The following KDM5B variants were observed in gnomAD, a reference collection of about 807,000 sequenced individuals.
The protein encoded by KDM5B is lysine demethylase 5B, also known as lysine-specific demethylase 5B.
Under a neutral mutation model 193.4 loss-of-function variants are expected in KDM5B, and 144 were observed. That is an observed-to-expected ratio of 0.74 (90% CI 0.65 to 0.86). The LOEUF (loss-of-function observed/expected upper bound fraction) is 0.86, where lower values mean the gene tolerates loss of function less well. Among genes scored for constraint, KDM5B ranks in the 40% least tolerant of loss-of-function variants. The pLI is 0.00. For missense variants in KDM5B, 1,833 were observed against 1,886.9 expected (o/e 0.97, Z 0.53); for synonymous variants, 668 against 682.6 (o/e 0.98, Z 0.33).
Position 202,741,599 on chromosome 1 carries a change from G to C in KDM5B, c.2713C>G (p.Pro905Ala). Residue 905 changes from proline to alanine, a missense_variant, in exon 19 of 27, where the codon CCA becomes GCA. By Grantham distance (27) the Pro-to-Ala change is conservative. This residue lies in a region of KDM5B where 1,379 missense variants were observed against 1,349.6 expected (regional missense o/e 1.02). Coordinates refer to ENST00000367265, the MANE Select transcript of KDM5B (RefSeq NM_006618.5). The stretch of plus-strand genomic sequence containing the variant: ...CGGATACGCATCTCAGCAAGCTGTG[G>C]AAGTTCAACATCAAATTCAAAGCTG... ...DVSFEFDVEL[P>A]QLAEMRIRLE... 1 of 1,614,232 alleles carries C rather than the reference G, an allele frequency of 6.2e-7. No homozygotes were observed. The highest frequency in any genetic ancestry group is 2.2e-5 in the East Asian group (1 of 44,890).
Position 202,756,345 on chromosome 1 carries a change from C to CTA in KDM5B, c.1356+12_1356+13insTA. Reference sequence around the variant, plus strand: ...AATAAATACCTCAATTTCCAAGCCACTTATATGCCTACCTCTTCCTCAGGT... The same window carrying CTA: ...AATAAATACCTCAATTTCCAAGCCACTATTATATGCCTACCTCTTCCTCAGGT... On this transcript the variant is annotated intron_variant, in intron 10 of 26. Coordinates refer to ENST00000367265, the MANE Select transcript of KDM5B (RefSeq NM_006618.5). 1.3e-6 allele frequency: 2 copies of CTA among 1,594,250 alleles called. No homozygotes were observed. Among genetic ancestry groups the CTA allele is most frequent in the South Asian group, 2.3e-5 (2 of 87,658 alleles).
At chr1:202,730,300 A>T (rs2102208802) in intron 25 of KDM5B, among the ~76,000 whole-genome samples, 1 of 152,316 alleles carries the variant, frequency 6.6e-6, no homozygotes, top group Non-Finnish European at 1.5e-5. Context: ...TTAACCAACC[A>T]ATACCAGAAG....
rs78905389 is a variant in KDM5B, at chr1:202,767,104, T to C, written c.577-44A>G. On this transcript the variant is annotated intron_variant, in intron 4 of 26. Transcript: ENST00000367265. The stretch of plus-strand genomic sequence containing the variant: ...CTGATAAATTCCCTCCTTTTTTTTT[T>C]CACATCATAAGTTTATTGACAAACA... 33 of 1,600,982 alleles carry C rather than the reference T, an allele frequency of 2.1e-5. 2 individuals carry two copies. The African/African-American group carries it at 3.8e-4, about 18-fold the overall frequency.
chr1:202,757,159 A>G (rs1337070352), intron 9 of KDM5B, among the ~76,000 whole-genome samples: 1 of 152,154 alleles, frequency 6.6e-6, no homozygotes, highest in East Asian at 1.9e-4. Context: ...GGCAGTTCAC[A>G]ATAGGGTTTG....
chr1:202,745,646 T>A (rs905538854), intron 16 of KDM5B, among the ~76,000 whole-genome samples: 2 of 152,244 alleles, frequency 1.3e-5, no homozygotes, highest in Non-Finnish European at 2.9e-5. Context: ...ACAACTCATA[T>A]AACAAAATTT....
chr1:202,779,824 T>TAAATAAATAAAC (rs1657122926), intron 1 of KDM5B, among the ~76,000 whole-genome samples: 1 of 146,754 alleles, frequency 6.8e-6, no homozygotes, highest in African/African-American at 2.5e-5. Context: ...AATAAATAAA[T>TAAATAAATAAAC]AAATAAATAA....
intron 9 of KDM5B, among the ~76,000 whole-genome samples, chr1:202,757,930 G>A (rs1035749784): frequency 6.6e-6 from 1 of 152,170 alleles, no homozygotes; most frequent in South Asian, 2.1e-4. Context: ...AATGCTGAAT[G>A]GAAAATGCTT....
At chr1:202,756,013 T>C (rs906442703) in intron 10 of KDM5B, among the ~76,000 whole-genome samples, 6 of 149,432 alleles carry the variant, frequency 4.0e-5, no homozygotes, top group African/African-American at 1.5e-4. Flanking sequence ...CCTACCAAGA[T>C]AGAAACAGAA....
In KDM5B at chr1:202,725,276, T is replaced by C. The variant is rs959677293; in HGVS notation, c.*3760A>G. The C allele has an allele frequency of 6.6e-6, 1 of 152,232 alleles. No individual in the cohort carries two copies. Among genetic ancestry groups the C allele is most frequent in the Non-Finnish European group, 1.5e-5 (1 of 68,042 alleles). The allele number at this position is 152,232 out of a possible 1,614,324, so 9.4% of individuals were successfully genotyped here. On this transcript the variant is annotated 3_prime_UTR_variant, in exon 27 of 27. Coordinates refer to ENST00000367265, the MANE Select transcript of KDM5B (RefSeq NM_006618.5). ...ACATGAAAAACTTGTTCACATAAAT[T>C]TGAAGGGAGAAGTGAAAATATACAC...
intron 14 of KDM5B, chr1:202,746,711 T>C (rs1362349631): frequency 1.9e-5 from 3 of 158,044 alleles, no homozygotes; most frequent in Non-Finnish European, 4.2e-5. Context: ...TGAGGAAATA[T>C]GGAGAATCTA....
At position 202,741,542 on chromosome 1, in the gene KDM5B, G is replaced by C; in HGVS notation, c.2770C>G (p.Gln924Glu). 2 of 1,614,216 alleles carry C rather than the reference G, an allele frequency of 1.2e-6. No individual in the cohort carries two copies. The highest frequency in any genetic ancestry group is 1.3e-5 in the African/African-American group (1 of 75,050). The change falls in exon 19 of 27, where the codon CAG (glutamine) becomes GAG (glutamate). Residue 924 changes from glutamine (Q) to glutamate (E), a missense_variant. Gln to Glu is a conservative substitution (Grantham distance 29). Transcript: ENST00000367265. ...GAGCTGGGGTCTAGGCAAGCTTGCT[G>C]CACCTCTTCTAGCCAACGGGCTTGT... ...LEQARWLEEV[Q>E]QACLDPSSLT... is the part of the protein sequence containing the mutation.
chr1:202,750,381 T>TGATTCTC (rs1655740873), intron 13 of KDM5B, among the ~76,000 whole-genome samples: 1 of 152,064 alleles, frequency 6.6e-6, no homozygotes, highest in Non-Finnish European at 1.5e-5. Flanking sequence ...TGGGTTCAAG[T>TGATTCTC]GATTCTCCTG....
intron 20 of KDM5B, among the ~76,000 whole-genome samples, chr1:202,739,924 T>G (rs1175772495): frequency 6.6e-6 from 1 of 152,196 alleles, no homozygotes; most frequent in Non-Finnish European, 1.5e-5. Context: ...TTTCCCCACC[T>G]TTCCCCCCTT....
intron 9 of KDM5B, among the ~76,000 whole-genome samples, chr1:202,758,136 T>C (rs1656093113): frequency 6.6e-6 from 1 of 152,226 alleles, no homozygotes; most frequent in Admixed American, 6.5e-5. Context: ...ATGATTTTCT[T>C]TATTAGTGTT....
intron 1 of KDM5B, among the ~76,000 whole-genome samples, chr1:202,781,058 A>G (rs1003453211): frequency 3.9e-5 from 6 of 152,182 alleles, no homozygotes; most frequent in African/African-American, 1.4e-4. Flanking sequence ...GCTCATGCCT[A>G]TAATCTCAGC....
Position 202,742,500 on chromosome 1 carries a change from C to G in KDM5B, c.2480G>C (p.Arg827Pro), listed in dbSNP as rs753883605. ...ATTTTGGGATTTCCCTCCACCAGATCGATATCTGTAAAGACAAAGGCCCAA... is the reference window on the plus strand; with the variant it reads ...ATTTTGGGATTTCCCTCCACCAGATGGATATCTGTAAAGACAAAGGCCCAA... ...LLNGKRQTRY[R>P]SGGGKSQNQL... The change falls in exon 18 of 27, where the codon CGA becomes CCA. Residue 827 changes from arginine to proline, a missense_variant. Coordinates refer to ENST00000367265, the MANE Select transcript of KDM5B (RefSeq NM_006618.5). 1 of 1,613,606 alleles carries G rather than the reference C, an allele frequency of 6.2e-7. No individual in the cohort carries two copies. The highest frequency in any genetic ancestry group is 8.5e-7 in the Non-Finnish European group (1 of 1,179,756).
At position 202,742,641 on chromosome 1, in the gene KDM5B, T is replaced by G. The variant is rs534343226; in HGVS notation, c.2474+14A>C. ...TGCCAAAGAATCCAAACTCACGCAG[T>G]CAGAAGCGCATACCTAGTTTGCCTT... On this transcript the variant is annotated intron_variant, in intron 17 of 26. Transcript: ENST00000367265. 1 of 1,613,290 alleles carries G rather than the reference T, an allele frequency of 6.2e-7. No homozygotes were observed. The highest frequency in any genetic ancestry group is 1.1e-5 in the South Asian group (1 of 90,968).
chr1:202,782,145 AG>A (rs1299290150), intron 1 of KDM5B, among the ~76,000 whole-genome samples: 1 of 152,222 alleles, frequency 6.6e-6, no homozygotes, highest in Non-Finnish European at 1.5e-5. Flanking sequence ...TAGTTTGAGA[AG>A]ATCATTTTTG....
Position 202,773,271 on chromosome 1 carries a change from AC to A in KDM5B, c.422del (p.Gly141ValfsTer51). ...FQLNKLVAEE[G>X]GFAVVCKDRK... is the part of the protein sequence containing the mutation. The stretch of plus-strand genomic sequence containing the variant: ...TATCCTTGCAAACAACTGCAAATCC[AC>A]CTTCTTCTGCAACTAACTGTTAAAA... On this transcript the variant is annotated frameshift_variant, in exon 4 of 27. Coordinates refer to ENST00000367265, the MANE Select transcript of KDM5B (RefSeq NM_006618.5). LOFTEE classifies it high-confidence loss of function. 1 of 1,613,906 alleles carries A rather than the reference AC, an allele frequency of 6.2e-7. No homozygotes were observed. The highest frequency in any genetic ancestry group is 8.5e-7 in the Non-Finnish European group (1 of 1,179,944).
Sources: allele counts gnomAD v4.1 joint callset (sites outside exome capture counted in the v4.1 genomes callset), GRCh38; gene constraint gnomAD v4.1.1; regional missense constraint gnomAD v4.1.1; transcripts MANE v1.5; gene names NCBI Gene and HGNC (gene_info 2026-07-23, HGNC 2026-07-21).